Variants in BEND6 observed in about 807,000 individuals in gnomAD.
The protein encoded by BEND6 is BEN domain containing 6, also known as BEN domain-containing protein 6.
BEND6 carries 24 observed loss-of-function variants against 31.8 expected under a neutral mutation model. The ratio of observed to expected loss-of-function variants is 0.75; its 90% confidence interval spans 0.55 to 1.06. BEND6 has a LOEUF of 1.06. Among genes scored for constraint, BEND6 ranks in the 50% least tolerant of loss-of-function variants. The pLI is 0.00. For synonymous variants in BEND6, 109 were observed against 114.6 expected (o/e 0.95, Z 0.31); for missense variants, 294 against 327.4 (o/e 0.90, Z 0.79).
Position 56,955,200 on chromosome 6 carries a change from A to T in BEND6, c.-361A>T, listed in dbSNP as rs1056839988. On this transcript the variant is annotated 5_prime_UTR_variant, in exon 1 of 7. Coordinates refer to ENST00000370746, the MANE Select transcript of BEND6 (RefSeq NM_152731.3). ...GGGCTGCACCCGGGCCTGAGAGCCC[A>T]GCGCCCTCCCGCGGGGCCGCCCGCC... 2 of 151,324 alleles carry T rather than the reference A, an allele frequency of 1.3e-5. No individual in the cohort carries two copies. The highest frequency in any genetic ancestry group is 4.8e-5 in the African/African-American group (2 of 41,290). 9.4% of individuals were successfully genotyped at this position (151,324 alleles called of 1,614,324 possible).
chr6:56,960,058 T>G (rs1825234962), intron 1 of BEND6, among the ~76,000 whole-genome samples: 1 of 152,196 alleles, frequency 6.6e-6, no homozygotes. Context: ...CAGACAGTTT[T>G]TGGAAAGTAA....
intron 6 of BEND6, among the ~76,000 whole-genome samples, chr6:57,025,878 C>A (rs572663280): frequency 6.6e-6 from 1 of 152,030 alleles, no homozygotes; most frequent in African/African-American, 2.4e-5. Flanking sequence ...AATCTTGGCA[C>A]TGTATGTTTG....
chr6:56,972,485 T>A (rs1365742244), intron 1 of BEND6, among the ~76,000 whole-genome samples: 2 of 152,266 alleles, frequency 1.3e-5, no homozygotes, highest in Non-Finnish European at 2.9e-5. Context: ...TAATAAAGTT[T>A]AAAGTAACAA....
intron 3 of BEND6, among the ~76,000 whole-genome samples, chr6:56,994,713 ATTG>A (rs1826639620): frequency 6.6e-6 from 1 of 152,156 alleles, no homozygotes; most frequent in Admixed American, 6.5e-5. Context: ...GGTAGTTATT[ATTG>A]TTATTATACA....
chr6:57,012,378 A>G (rs1339796303), intron 3 of BEND6, among the ~76,000 whole-genome samples: 3 of 152,234 alleles, frequency 2.0e-5, no homozygotes, highest in Non-Finnish European at 4.4e-5. Flanking sequence ...ATCTACAGCT[A>G]AAGAAGTCAG....
At chr6:57,021,774 G>T (rs1827750603) in intron 6 of BEND6, among the ~76,000 whole-genome samples, 1 of 152,082 alleles carries the variant, frequency 6.6e-6, no homozygotes, top group Admixed American at 6.5e-5. Flanking sequence ...ATAATCTCTG[G>T]CGTAATGTTA....
intron 2 of BEND6, among the ~76,000 whole-genome samples, chr6:56,982,390 A>G (rs1826102561): frequency 6.6e-6 from 1 of 152,158 alleles, no homozygotes; most frequent in Non-Finnish European, 1.5e-5. Context: ...CCTCATCTGT[A>G]AGACATACTG....
intron 1 of BEND6, among the ~76,000 whole-genome samples, chr6:56,979,344 A>G (rs1185143276): frequency 1.3e-5 from 2 of 152,186 alleles, no homozygotes; most frequent in African/African-American, 2.4e-5. Context: ...GGTGATGGTT[A>G]TGCAATAAAC....
At chr6:56,992,263 G>A (rs41267679) in intron 2 of BEND6, 115 bp from the exon 3 acceptor site, 23,034 of 1,168,092 alleles carry the variant, frequency 0.02, 283 homozygotes, top group Non-Finnish European at 0.023. Flanking sequence ...TCAGCAGCAG[G>A]AAGTGCCTGT....
At chr6:57,005,594 C>T (rs961996649) in intron 3 of BEND6, among the ~76,000 whole-genome samples, 8 of 151,556 alleles carry the variant, frequency 5.3e-5, no homozygotes, top group Admixed American at 3.9e-4. Context: ...GCGGGAGAAT[C>T]GCTTGAACCC....
chr6:56,978,812 A>G (rs773375934), intron 1 of BEND6, among the ~76,000 whole-genome samples: 3 of 152,232 alleles, frequency 2.0e-5, no homozygotes, highest in Non-Finnish European at 4.4e-5. Flanking sequence ...CCTATGGAGC[A>G]CTGAATGGCT....
chr6:56,965,032 T>C (rs1825420628), intron 1 of BEND6, among the ~76,000 whole-genome samples: 1 of 152,368 alleles, frequency 6.6e-6, no homozygotes, highest in East Asian at 1.9e-4. Flanking sequence ...GCCAATACAC[T>C]GAGAGAAGAT....
At chr6:57,014,565 C>T in intron 3 of BEND6, 1 of 1,355,914 alleles carries the variant, frequency 7.4e-7, no homozygotes, top group Non-Finnish European at 9.9e-7. Flanking sequence ...GAAAATATTC[C>T]ATTGATTACC....
At chr6:56,972,661 TTCTACAGCACTC>T (rs1190383280) in intron 1 of BEND6, among the ~76,000 whole-genome samples, 2 of 152,230 alleles carry the variant, frequency 1.3e-5, no homozygotes, top group Non-Finnish European at 2.9e-5. Flanking sequence ...TTATGTCACT[TTCTACAGCACTC>T]TAAGCACTTA....
At chr6:56,958,924 A>G (rs1562532095) in intron 1 of BEND6, among the ~76,000 whole-genome samples, 1 of 152,208 alleles carries the variant, frequency 6.6e-6, no homozygotes, top group Non-Finnish European at 1.5e-5. Context: ...AATGAAGATG[A>G]GAAAGAGGAG....
chr6:56,958,121 A>G (rs1183436951), intron 1 of BEND6, among the ~76,000 whole-genome samples: 1 of 152,172 alleles, frequency 6.6e-6, no homozygotes, highest in East Asian at 1.9e-4. Flanking sequence ...GGGAAGCCTG[A>G]CACTTTATAA....
At chr6:56,976,357 G>A (rs986377449) in intron 1 of BEND6, among the ~76,000 whole-genome samples, 4 of 151,400 alleles carry the variant, frequency 2.6e-5, no homozygotes, top group East Asian at 1.9e-4. Context: ...CACCATGCCC[G>A]GCTAATTTTT....
At position 57,020,847 on chromosome 6, in the gene BEND6, T is replaced by G. The variant is rs192681887; in HGVS notation, c.*9+2290T>G. On this transcript the variant is annotated intron_variant, in intron 6 of 6. Transcript: ENST00000370746. ...CCTAAACTCTTGTTTTTTTTTTTTT[T>G]TTTTTTTAATATTTCTGACTTCCAA... is the stretch of plus-strand genomic sequence containing the variant. 1.3e-3 allele frequency among the ~76,000 whole-genome samples: 194 copies of G among 151,526 alleles called. 5 individuals carry two copies. The East Asian group carries it at 0.016, about 12-fold the overall frequency.
chr6:57,018,326 T>C (rs1187077718), intron 5 of BEND6, 95 bp from the exon 6 acceptor site: 2 of 1,340,692 alleles, frequency 1.5e-6, no homozygotes, highest in East Asian at 2.7e-5. Context: ...GAAAAAAAAT[T>C]ATAATGTAGA....
Sources: allele counts gnomAD v4.1 joint callset (sites outside exome capture counted in the v4.1 genomes callset), GRCh38; gene constraint gnomAD v4.1.1; transcripts MANE v1.5; gene names NCBI Gene and HGNC (gene_info 2026-07-23, HGNC 2026-07-21).